SLC44A5: variants seen among roughly 807,000 people sequenced by gnomAD.
The protein encoded by SLC44A5 is solute carrier family 44 member 5.
In SLC44A5, 57 loss-of-function variants were observed where a neutral mutation model predicts 101.8. The ratio of observed to expected loss-of-function variants is 0.56; its 90% CI spans 0.45 to 0.70. SLC44A5 has a LOEUF of 0.70. Among genes scored for constraint, SLC44A5 ranks in the 30% least tolerant of loss-of-function variants. The pLI is 0.00. For missense variants in SLC44A5, 737 were observed against 853.1 expected, an observed-to-expected ratio of 0.86 and a Z score of 1.70; for synonymous variants, 281 against 290.9, an observed-to-expected ratio of 0.97 and a Z score of 0.35.
intron 2 of SLC44A5, among the ~76,000 whole-genome samples, chr1:75,422,543 G>A (rs1664070806): frequency 6.6e-6 from 1 of 152,142 alleles, no homozygotes; most frequent in East Asian, 1.9e-4. Context: ...TCGGTATCCT[G>A]CACCAACTGA....
intron 1 of SLC44A5, among the ~76,000 whole-genome samples, chr1:75,588,756 T>C (rs1488590270): frequency 7.0e-6 from 1 of 142,036 alleles, no homozygotes; most frequent in Non-Finnish European, 1.5e-5. Context: ...AAAAAGCAGA[T>C]AATATTTTTT....
At chr1:75,481,176 G>A (rs531908428) in intron 2 of SLC44A5, among the ~76,000 whole-genome samples, 193 of 152,324 alleles carry the variant, frequency 1.3e-3, no homozygotes, top group African/African-American at 4.5e-3. Context: ...TTTAATAAAT[G>A]TTGCTGGGAA....
At chr1:75,621,731 A>AAATTTTT in the SLC44A5 span, among the ~76,000 whole-genome samples, 3 of 152,152 alleles carry the variant, frequency 2.0e-5, no homozygotes, top group Non-Finnish European at 4.4e-5. Flanking sequence ...ATTGTATTTT[A>AAATTTTT]AATTTTTACA....
In SLC44A5 at chr1:75,219,319, C is replaced by T. The variant is rs1241094740; in HGVS notation, c.1204G>A (p.Val402Ile). The T allele has an allele frequency of 1.1e-5, 17 of 1,612,824 alleles. No homozygotes were observed. Among genetic ancestry groups the T allele is most frequent in the Non-Finnish European group, 1.4e-5 (16 of 1,179,114 alleles). ...CCCCCTGGAGCTATGACTTTGTATA[C>T]AGGTACCCCCGATGTCGCCAAGAAA... is the stretch of plus-strand genomic sequence containing the variant. The part of the protein sequence containing the change: ...AVFLATSGVP[V>I]YKVIAPGGHC... The change falls in exon 16 of 24, where the codon GTA becomes ATA. Residue 402 changes from valine to isoleucine, a missense_variant. Coordinates refer to ENST00000370859, the MANE Select transcript of SLC44A5 (RefSeq NM_001130058.2).
intron 1 of SLC44A5, among the ~76,000 whole-genome samples, chr1:75,601,782 C>T (rs1427451318): frequency 6.6e-6 from 1 of 152,098 alleles, no homozygotes; most frequent in Non-Finnish European, 1.5e-5. Flanking sequence ...ATAAAGATCA[C>T]TCAACGACAT....
the SLC44A5 span, among the ~76,000 whole-genome samples, chr1:75,683,351 T>C: frequency 1.6e-4 from 25 of 152,126 alleles, no homozygotes; most frequent in Admixed American, 1.0e-3. Flanking sequence ...GACTTGGAAC[T>C]AACCCAAATG....
intron 5 of SLC44A5, among the ~76,000 whole-genome samples, chr1:75,293,911 CA>C (rs1439704402): frequency 1.3e-5 from 2 of 151,714 alleles, no homozygotes; most frequent in African/African-American, 4.8e-5. Flanking sequence ...TGAAGACTTC[CA>C]AAATAAAAGG....
chr1:75,649,673 C>A, the SLC44A5 span, among the ~76,000 whole-genome samples: 1 of 152,156 alleles, frequency 6.6e-6, no homozygotes, highest in African/African-American at 2.4e-5. Context: ...GAATCAGGAT[C>A]TATGTCTTCT....
At chr1:75,286,816 T>C (rs1653092869) in intron 5 of SLC44A5, among the ~76,000 whole-genome samples, 1 of 152,120 alleles carries the variant, frequency 6.6e-6, no homozygotes, top group African/African-American at 2.4e-5. Context: ...TGCTGAGGAA[T>C]CTCCTGTTAA....
intron 5 of SLC44A5, among the ~76,000 whole-genome samples, chr1:75,294,154 T>TAGGTTC (rs1486124894): frequency 2.0e-5 from 3 of 152,200 alleles, no homozygotes; most frequent in Non-Finnish European, 2.9e-5. Context: ...TGTGATCTGA[T>TAGGTTC]AGGTTCACTT....
At chr1:75,267,757 G>A (rs1250046637) in intron 6 of SLC44A5, among the ~76,000 whole-genome samples, 2 of 151,586 alleles carry the variant, frequency 1.3e-5, no homozygotes, top group East Asian at 1.9e-4. Context: ...TTTTTGTAGG[G>A]ACAGGCTTTC....
At chr1:75,534,927 T>G (rs1670913963) in intron 2 of SLC44A5, among the ~76,000 whole-genome samples, 1 of 152,162 alleles carries the variant, frequency 6.6e-6, no homozygotes, top group African/African-American at 2.4e-5. Flanking sequence ...TTCTGGAGCC[T>G]CTCTCTGAAT....
intron 4 of SLC44A5, among the ~76,000 whole-genome samples, chr1:75,301,809 AG>A (rs1415519013): frequency 8.5e-5 from 13 of 152,316 alleles, no homozygotes; most frequent in African/African-American, 2.6e-4. Context: ...TTCTTAAAGA[AG>A]GGGGCAAATA....
intron 1 of SLC44A5, among the ~76,000 whole-genome samples, chr1:75,603,914 G>C (rs918261625): frequency 4.6e-5 from 7 of 151,498 alleles, no homozygotes; most frequent in Non-Finnish European, 1.0e-4. Flanking sequence ...CTAGATATTA[G>C]ACCTCTGTCA....
At chr1:75,683,792 G>A in the SLC44A5 span, among the ~76,000 whole-genome samples, 6 of 151,524 alleles carry the variant, frequency 4.0e-5, no homozygotes, top group East Asian at 9.7e-4. Flanking sequence ...ATAAGACTTG[G>A]AAAAGAAATA....
intron 2 of SLC44A5, among the ~76,000 whole-genome samples, chr1:75,506,183 G>T (rs988762298): frequency 3.9e-5 from 6 of 152,094 alleles, no homozygotes; most frequent in Non-Finnish European, 7.4e-5. Flanking sequence ...TTATTTCTGG[G>T]TTCTCTCTTC....
In SLC44A5 at chr1:75,483,269, A is replaced by C. The variant is rs1304670332; in HGVS notation, c.13+58166T>G. Among the ~76,000 whole-genome samples the C allele has an allele frequency of 2.0e-5, 3 of 152,214 alleles. 1 individual carries two copies. The South Asian group carries it at 6.2e-4, about 32-fold the overall frequency. ...GATCCTTAGATGTGGTAAAGAGGTG[A>C]GCAAAGCTTTGTTTTAAAAATCCAG... is the stretch of plus-strand genomic sequence containing the variant. On this transcript the variant is annotated intron_variant, in intron 2 of 23. Coordinates refer to ENST00000370859, the MANE Select transcript of SLC44A5 (RefSeq NM_001130058.2).
the SLC44A5 span, among the ~76,000 whole-genome samples, chr1:75,649,544 T>C: frequency 6.6e-6 from 1 of 152,192 alleles, no homozygotes; most frequent in South Asian, 2.1e-4. Context: ...TGATCTAATC[T>C]CTTTGTCAAC....
chr1:75,203,754 C>T lies in SLC44A5; in HGVS notation c.2127G>A (p.Glu709=), dbSNP rs1646699897. Residue 709 remains glutamate, a synonymous_variant, in exon 24 of 24, where the codon GAG becomes GAA. Transcript: ENST00000370859. ...VSQPLLKIFQ[E]ENPQTRKQ Reference sequence around the variant, plus strand: ...ACTGCTTCCTAGTTTGTGGATTTTCCTCCTGGAAAATCTTCAGCAAAGGTT... The same window carrying T: ...ACTGCTTCCTAGTTTGTGGATTTTCTTCCTGGAAAATCTTCAGCAAAGGTT... The T allele has an allele frequency of 6.5e-7, 1 of 1,548,782 alleles. No homozygotes were observed.
Sources: gnomAD v4.1 joint callset for allele counts (sites outside exome capture counted in the v4.1 genomes callset) on GRCh38, gnomAD v4.1.1 for gene constraint, MANE v1.5 for transcripts, NCBI Gene and HGNC (gene_info 2026-07-23, HGNC 2026-07-21) for gene names.